MYO5B: variants seen among roughly 807,000 people sequenced by gnomAD.
MYO5B encodes the protein unconventional myosin-Vb.
In MYO5B, 143 loss-of-function variants were observed where a neutral mutation model predicts 229.3. That is an observed-to-expected ratio of 0.62 (90% CI 0.54 to 0.72). The LOEUF (loss-of-function observed/expected upper bound fraction) is 0.72, where lower values mean the gene tolerates loss of function less well. Ranked by LOEUF, MYO5B falls within the 30% of genes least tolerant of loss-of-function variation. MYO5B has a pLI of 0.00. For synonymous variants in MYO5B, 918 were observed against 885.2 expected, an observed-to-expected ratio of 1.04 and a Z score of -0.66; for missense variants, 2,321 against 2,331.0, an observed-to-expected ratio of 1.00 and a Z score of 0.09.
At chr18:50,055,225 G>GGGCCCCCCCCC in intron 2 of MYO5B, 43 bp downstream of exon 2, 20 of 700,366 alleles carry the variant, frequency 2.9e-5, no homozygotes, top group Non-Finnish European at 3.4e-5. Flanking sequence ...TGAGCTCCCT[G>GGGCCCCCCCCC]CCCCACCTCA....
chr18:49,978,340 G>T (rs2025775820), intron 9 of MYO5B, among the ~76,000 whole-genome samples: 1 of 152,164 alleles, frequency 6.6e-6, no homozygotes, highest in African/African-American at 2.4e-5. Flanking sequence ...ACGTTCTCCG[G>T]AGGCTGGGTG....
intron 17 of MYO5B, among the ~76,000 whole-genome samples, chr18:49,920,878 C>T (rs963480382): frequency 1.2e-4 from 19 of 152,216 alleles, no homozygotes; most frequent in Middle Eastern, 3.4e-3. Flanking sequence ...TGCAGCCATG[C>T]GTGAAAACCC....
chr18:49,912,362 G>C (rs1372879641), intron 17 of MYO5B, among the ~76,000 whole-genome samples, 189 bp from the exon 18 acceptor site: 2 of 152,138 alleles, frequency 1.3e-5, no homozygotes, highest in East Asian at 3.9e-4. Flanking sequence ...CTGTGAATGT[G>C]ATTCTTGGAA....
At chr18:49,899,254 G>GA (rs201276099) in intron 21 of MYO5B, among the ~76,000 whole-genome samples, 19 of 149,830 alleles carry the variant, frequency 1.3e-4, no homozygotes, top group East Asian at 5.9e-4. Context: ...GGAATTATAG[G>GA]AAAAAAAAAA....
rs1416653513 is a variant in MYO5B, at chr18:49,997,050, G to A, written c.612+4205C>T. ...AAAGGCCTAGGTGGGTGGATCACTT[G>A]AGCCCAGGAGTTTGAGACTAGCCTG... On this transcript the variant is annotated intron_variant, in intron 5 of 39. Coordinates refer to ENST00000285039, the MANE Select transcript of MYO5B (RefSeq NM_001080467.3). Among the ~76,000 whole-genome samples, 6 of 152,176 alleles carry A rather than the reference G, an allele frequency of 3.9e-5. No individual in the cohort carries two copies. In the East Asian group the frequency reaches 1.2e-3, roughly 29 times the overall value.
At chr18:49,978,861 C>T (rs2025783672) in intron 9 of MYO5B, among the ~76,000 whole-genome samples, 1 of 152,076 alleles carries the variant, frequency 6.6e-6, no homozygotes, top group Admixed American at 6.6e-5. Flanking sequence ...CCACAGAGCA[C>T]ATCTGTCACC....
At chr18:49,978,468 C>T (rs926298395) in intron 9 of MYO5B, among the ~76,000 whole-genome samples, 3 of 152,008 alleles carry the variant, frequency 2.0e-5, no homozygotes, top group African/African-American at 7.3e-5. Context: ...GGTTCTCATG[C>T]TAACCATCAG....
rs1156528364 is a variant in MYO5B at position 49,962,305 on chromosome 18, G to A, written c.1506C>T (p.Ala502=). The A allele has an allele frequency of 1.9e-6, 3 of 1,614,070 alleles. No individual in the cohort carries two copies. The highest frequency in any genetic ancestry group is 2.5e-6 in the Non-Finnish European group (3 of 1,180,022). The change falls in exon 12 of 40, where the codon GCC becomes GCT. Residue 502 remains alanine, a synonymous_variant. Coordinates refer to ENST00000285039, the MANE Select transcript of MYO5B (RefSeq NM_001080467.3). ...CCAACAGGTCCAAGATACCCAGCTT[G>A]GCTTCAATGAGGTCGATACAAGGTT... ...DNQPCIDLIE[A]KLGILDLLDE...
chr18:50,051,315 T>C (rs916277099), intron 2 of MYO5B, among the ~76,000 whole-genome samples: 3 of 152,204 alleles, frequency 2.0e-5, no homozygotes, highest in African/African-American at 7.2e-5. Flanking sequence ...GCTCACATGC[T>C]CCCCTGTCTT....
At chr18:50,026,417 C>T (rs2026332020) in intron 4 of MYO5B, among the ~76,000 whole-genome samples, 1 of 152,222 alleles carries the variant, frequency 6.6e-6, no homozygotes, top group African/African-American at 2.4e-5. Flanking sequence ...GCTTGTTTTC[C>T]ATATATAATA....
intron 4 of MYO5B, among the ~76,000 whole-genome samples, chr18:50,017,662 T>C (rs138227139): frequency 6.6e-6 from 1 of 152,372 alleles, no homozygotes; most frequent in East Asian, 1.9e-4. Context: ...TTAAATGTTT[T>C]ATAGGTATAA....
intron 5 of MYO5B, among the ~76,000 whole-genome samples, chr18:49,995,110 C>A (rs137991766): frequency 6.6e-6 from 1 of 152,174 alleles, no homozygotes; most frequent in African/African-American, 2.4e-5. Flanking sequence ...TCTACCTACA[C>A]GGCGTCACAG....
At chr18:50,041,784 A>G (rs2030023210) in intron 2 of MYO5B, among the ~76,000 whole-genome samples, 1 of 152,214 alleles carries the variant, frequency 6.6e-6, no homozygotes. Context: ...AAATTTGACT[A>G]TAATTTAAAA....
At position 49,902,805 on chromosome 18, in the gene MYO5B, A is replaced by G. The variant is rs1346540796; in HGVS notation, c.2600T>C (p.Ile867Thr). ...CATCCAGCCCCGCACGTGCTTCTGGATGGTGGTGGCCTTGTGCTCCATGAG... is the reference window on the plus strand; with the variant it reads ...CATCCAGCCCCGCACGTGCTTCTGGGTGGTGGTGGCCTTGTGCTCCATGAG... ...QVLMEHKATT[I>T]QKHVRGWMAR... is the part of the protein sequence containing the mutation. Residue 867 changes from isoleucine (I) to threonine (T), a missense_variant, in exon 21 of 40, where the codon ATC becomes ACC. Physicochemically the swap from Ile to Thr is moderately conservative, Grantham distance 89. This residue lies in a region of MYO5B where 2,113 missense variants were observed against 2,044.7 expected (regional missense o/e 1.03). Coordinates refer to ENST00000285039, the MANE Select transcript of MYO5B (RefSeq NM_001080467.3). 1 of 1,601,550 alleles carries G rather than the reference A, an allele frequency of 6.2e-7. No individual in the cohort carries two copies. Among genetic ancestry groups the G allele is most frequent in the East Asian group, 2.2e-5 (1 of 44,872 alleles).
At chr18:49,983,005 A>C (rs1186584281) in intron 8 of MYO5B, among the ~76,000 whole-genome samples, 2 of 152,176 alleles carry the variant, frequency 1.3e-5, no homozygotes, top group East Asian at 1.9e-4. Flanking sequence ...CCTTTCTCTG[A>C]TAAATTCAGA....
chr18:49,851,960 A>G (rs949751683), intron 31 of MYO5B, among the ~76,000 whole-genome samples: 8 of 152,216 alleles, frequency 5.3e-5, no homozygotes, highest in Admixed American at 5.2e-4. Flanking sequence ...TTCTGGAAGG[A>G]GTCTCTCAGC....
At chr18:50,148,317 C>A (rs540315262) in intron 1 of MYO5B, among the ~76,000 whole-genome samples, 1 of 150,800 alleles carries the variant, frequency 6.6e-6, no homozygotes, top group East Asian at 2.0e-4. Flanking sequence ...AGAGGGAATC[C>A]TCCCTAACTC....
chr18:50,181,756 C>A (rs1008553249), intron 1 of MYO5B, among the ~76,000 whole-genome samples: 1 of 152,184 alleles, frequency 6.6e-6, no homozygotes, highest in African/African-American at 2.4e-5. Flanking sequence ...TTGGTGCCTG[C>A]AGCTTGTTTC....
At chr18:50,087,480 G>A (rs1402484308) in intron 1 of MYO5B, among the ~76,000 whole-genome samples, 2 of 151,618 alleles carry the variant, frequency 1.3e-5, no homozygotes, top group African/African-American at 4.9e-5. Context: ...GGGTGAGGCA[G>A]GAGAATCGCT....
Sources: allele counts gnomAD v4.1 joint callset (sites outside exome capture counted in the v4.1 genomes callset), GRCh38; gene constraint gnomAD v4.1.1; regional missense constraint gnomAD v4.1.1; transcripts MANE v1.5; gene names NCBI Gene and HGNC (gene_info 2026-07-23, HGNC 2026-07-21).